The following EHBP1 variants were observed in gnomAD, a reference collection of about 807,000 sequenced individuals.
The protein encoded by EHBP1 is EH domain binding protein 1.
A neutral mutation model predicts 144.0 loss-of-function variants in EHBP1; 55 were observed. That is an observed-to-expected ratio of 0.38 (90% CI 0.31 to 0.48). The LOEUF is 0.48. Ranked by LOEUF, EHBP1 falls within the 20% of genes least tolerant of loss-of-function variation. The probability of loss-of-function intolerance (pLI) is 0.98; values close to 1 mark genes in which losing one functional copy is unlikely to be tolerated. For missense variants in EHBP1, 1,200 were observed against 1,364.2 expected, an observed-to-expected ratio of 0.88 and a Z score of 1.90; for synonymous variants, 469 against 472.7, an observed-to-expected ratio of 0.99 and a Z score of 0.10.
At chr2:62,773,614 C>T (rs758490061) in intron 5 of EHBP1, among the ~76,000 whole-genome samples, 35 of 151,524 alleles carry the variant, frequency 2.3e-4, no homozygotes, top group Non-Finnish European at 4.6e-4. Context: ...TTTGAGAGGC[C>T]AAGGCAGGCA....
intron 12 of EHBP1, 151 bp from the exon 13 acceptor site, chr2:62,948,109 C>T (rs1574190844): frequency 2.0e-6 from 1 of 500,360 alleles, no homozygotes; most frequent in Non-Finnish European, 3.2e-6. Flanking sequence ...CCCACTTTTA[C>T]ACATGTCTGA....
At chr2:62,782,096 TACTC>T (rs1269511269) in intron 5 of EHBP1, among the ~76,000 whole-genome samples, 3 of 152,200 alleles carry the variant, frequency 2.0e-5, no homozygotes, top group East Asian at 3.8e-4. Flanking sequence ...TTTTACCATT[TACTC>T]ACTCACTCAA....
At chr2:62,980,638 A>G (rs1451955778) in intron 15 of EHBP1, among the ~76,000 whole-genome samples, 1 of 152,028 alleles carries the variant, frequency 6.6e-6, no homozygotes, top group East Asian at 1.9e-4. Flanking sequence ...TTCCCCACAC[A>G]GCTGTGTATC....
intron 10 of EHBP1, among the ~76,000 whole-genome samples, chr2:62,918,860 A>G (rs1407067268): frequency 6.6e-6 from 1 of 152,210 alleles, no homozygotes; most frequent in African/African-American, 2.4e-5. Context: ...AGCAAGCACC[A>G]GGAATCTCTC....
chr2:62,895,871 G>A (rs2052879868), intron 10 of EHBP1, among the ~76,000 whole-genome samples: 1 of 152,114 alleles, frequency 6.6e-6, no homozygotes, highest in Non-Finnish European at 1.5e-5. Flanking sequence ...TCTAGCTTTG[G>A]GGCAGCTGGT....
At chr2:62,865,511 A>G (rs1023512561) in intron 9 of EHBP1, among the ~76,000 whole-genome samples, 3 of 152,238 alleles carry the variant, frequency 2.0e-5, no homozygotes, top group Admixed American at 1.3e-4. Flanking sequence ...GGATGTGTTC[A>G]TACTGTAATC....
intron 5 of EHBP1, among the ~76,000 whole-genome samples, chr2:62,806,615 G>A (rs1019026648): frequency 1.8e-4 from 28 of 151,870 alleles, no homozygotes; most frequent in African/African-American, 6.5e-4. Flanking sequence ...CTCTTGCCTC[G>A]GCTTCCCAAA....
intron 19 of EHBP1, among the ~76,000 whole-genome samples, chr2:62,998,104 A>G (rs2059713535): frequency 6.6e-6 from 1 of 152,220 alleles, no homozygotes; most frequent in African/African-American, 2.4e-5. Flanking sequence ...GGCATAGGAA[A>G]TGTTTAAGAA....
chr2:62,932,782 C>T (rs189827717), intron 10 of EHBP1, among the ~76,000 whole-genome samples: 4 of 151,832 alleles, frequency 2.6e-5, no homozygotes, highest in Admixed American at 6.6e-5. Context: ...GGCGGAATCC[C>T]GTCTCTACTA....
chr2:62,764,207 A>T (rs2040992348), intron 3 of EHBP1, 59 bp from the exon 4 acceptor site: 5 of 1,227,810 alleles, frequency 4.1e-6, no homozygotes, highest in Non-Finnish European at 5.6e-6. Context: ...TATTCTGGTA[A>T]ATTACTAACA....
At chr2:62,987,940 A>G in intron 15 of EHBP1, 1 of 1,563,596 alleles carries the variant, frequency 6.4e-7, no homozygotes. Context: ...GATGAAAATG[A>G]TAATATTGAG....
chr2:62,770,553 G>C (rs1048756690), intron 4 of EHBP1, among the ~76,000 whole-genome samples: 2 of 152,146 alleles, frequency 1.3e-5, no homozygotes, highest in South Asian at 4.1e-4. Flanking sequence ...TTATACACTG[G>C]TGGTAGGAAT....
At chr2:62,933,903 G>A (rs1403734567) in intron 10 of EHBP1, among the ~76,000 whole-genome samples, 2 of 152,070 alleles carry the variant, frequency 1.3e-5, no homozygotes, top group African/African-American at 4.8e-5. Flanking sequence ...TATGTTTTAG[G>A]ATGTATTTCT....
intron 14 of EHBP1, among the ~76,000 whole-genome samples, chr2:62,970,947 A>G (rs1465916326): frequency 1.3e-5 from 2 of 152,198 alleles, no homozygotes; most frequent in East Asian, 1.9e-4. Context: ...AAGCTTGCCT[A>G]GATGTCGGTG....
At chr2:62,862,853 T>A (rs1463271296) in intron 8 of EHBP1, among the ~76,000 whole-genome samples, 1 of 152,198 alleles carries the variant, frequency 6.6e-6, no homozygotes, top group Non-Finnish European at 1.5e-5. Context: ...AATATTTTTA[T>A]CAGCAAATCT....
intron 15 of EHBP1, among the ~76,000 whole-genome samples, chr2:62,987,078 A>G (rs536741153): frequency 1.3e-5 from 2 of 152,288 alleles, no homozygotes; most frequent in East Asian, 3.9e-4. Flanking sequence ...TGTCTGTTGG[A>G]TAGAAATTAA....
rs143820391 is a variant in EHBP1, at chr2:62,917,399, CATT to C, written c.1186-25316_1186-25314del. 8.3e-3 allele frequency among the ~76,000 whole-genome samples: 1,254 copies of C among 151,974 alleles called. 5 individuals are homozygous for C. Among genetic ancestry groups the C allele is most frequent in the Non-Finnish European group, 0.012 (850 of 68,012 alleles). ...ATATGTAATCTGTCATTGACTGAAA[CATT>C]ATGCAGTACGTGACTATGTATATTA... On this transcript the variant is annotated intron_variant, in intron 10 of 22. Coordinates refer to ENST00000431489, the MANE Select transcript of EHBP1 (RefSeq NM_001142616.3).
chr2:62,955,787 C>T, intron 14 of EHBP1, 127 bp downstream of exon 14: 1 of 931,706 alleles, frequency 1.1e-6, no homozygotes, highest in Non-Finnish European at 1.5e-6. Flanking sequence ...ACTTGGTGCA[C>T]TTACTGAACT....
intron 19 of EHBP1, among the ~76,000 whole-genome samples, chr2:63,021,048 C>G (rs1029799239): frequency 1.5e-5 from 2 of 134,822 alleles, no homozygotes; most frequent in Non-Finnish European, 3.1e-5. Context: ...TTCTCAAACT[C>G]CTGGACTCGT....
Sources: gnomAD v4.1 joint callset for allele counts (sites outside exome capture counted in the v4.1 genomes callset) on GRCh38, gnomAD v4.1.1 for gene constraint, MANE v1.5 for transcripts, NCBI Gene and HGNC (gene_info 2026-07-23, HGNC 2026-07-21) for gene names.